Variants in NPR3 observed in about 807,000 individuals in gnomAD.
NPR3 encodes the protein atrial natriuretic peptide receptor 3.
A neutral mutation model predicts 54.5 loss-of-function variants in NPR3; 34 were observed. That is an observed-to-expected ratio of 0.62 (90% confidence interval 0.47 to 0.83). The LOEUF (loss-of-function observed/expected upper bound fraction) is 0.83, where lower values mean the gene tolerates loss of function less well. NPR3 is among the 40% of genes least tolerant of loss of function. The pLI, the probability that NPR3 is intolerant of heterozygous loss-of-function variation, is 0.00. For synonymous variants in NPR3, 289 were observed against 297.1 expected (o/e 0.97, Z 0.28); for missense variants, 674 against 720.8 (o/e 0.94, Z 0.74).
chr5:32,705,115 G>A (rs1259373929), upstream of NPR3, among the ~76,000 whole-genome samples: 2 of 152,258 alleles, frequency 1.3e-5, no homozygotes, highest in Admixed American at 6.5e-5. Flanking sequence ...TTGAAGCAAG[G>A]GGAAACATTA....
At chr5:32,714,313 A>G (rs376982550) in intron 1 of NPR3, among the ~76,000 whole-genome samples, 146 of 152,040 alleles carry the variant, frequency 9.6e-4, no homozygotes, top group African/African-American at 3.2e-3. Flanking sequence ...GTGAGACCAG[A>G]GGAGGGCAGA....
chr5:32,715,067 TATG>T (rs1418616277), intron 1 of NPR3, among the ~76,000 whole-genome samples: 1 of 152,194 alleles, frequency 6.6e-6, no homozygotes, highest in Non-Finnish European at 1.5e-5. Flanking sequence ...TTATTTTATA[TATG>T]ATGATAATCA....
chr5:32,760,254 G>C (rs1741090709), intron 3 of NPR3, among the ~76,000 whole-genome samples: 2 of 152,046 alleles, frequency 1.3e-5, no homozygotes, highest in Admixed American at 1.3e-4. Context: ...CTGAGTCATA[G>C]CATAGATGCA....
Position 32,776,617 on chromosome 5 carries a change from C to T in NPR3, c.1195+1774C>T, listed in dbSNP as rs150212802. On this transcript the variant is annotated intron_variant, in intron 4 of 7. Coordinates refer to ENST00000265074, the MANE Select transcript of NPR3 (RefSeq NM_001204375.2). The stretch of plus-strand genomic sequence containing the variant: ...ACATGAAACTCAATATGGAAGTGAT[C>T]TCACTGCAGGAGCCTTGCAGATATC... Among the ~76,000 whole-genome samples the T allele has an allele frequency of 4.2e-3, 640 of 152,282 alleles. 1 individual carries two copies. Among genetic ancestry groups the T allele is most frequent in the Middle Eastern group, 0.01 (3 of 294 alleles).
In NPR3 at chr5:32,712,258, C is replaced by G; in HGVS notation, c.482C>G (p.Ala161Gly). The change falls in exon 1 of 8, where the codon GCC (alanine) becomes GGC (glycine). Residue 161 changes from alanine to glycine, a missense_variant. Physicochemically the swap from Ala to Gly is moderately conservative, Grantham distance 60. Transcript: ENST00000265074. ...CCCATGCTGTCGGCTGGGGCGCTGG[C>G]CGCTGGCTTCCAGCACAAGGACTCT... ...DLPMLSAGAL[A>G]AGFQHKDSEY... The G allele has an allele frequency of 6.2e-7, 1 of 1,612,682 alleles. No homozygotes were observed. Among genetic ancestry groups the G allele is most frequent in the Non-Finnish European group, 8.5e-7 (1 of 1,179,668 alleles).
chr5:32,767,871 G>A (rs1168904619), intron 3 of NPR3, among the ~76,000 whole-genome samples: 1 of 152,192 alleles, frequency 6.6e-6, no homozygotes, highest in Admixed American at 6.5e-5. Context: ...AAGTTTAAGA[G>A]GGTATCATGA....
intron 2 of NPR3, among the ~76,000 whole-genome samples, chr5:32,733,997 T>A (rs936312823): frequency 2.0e-5 from 3 of 152,252 alleles, no homozygotes; most frequent in Non-Finnish European, 4.4e-5. Flanking sequence ...CTCAATTTCC[T>A]CATCTGTAAA....
At chr5:32,749,200 T>C (rs1721080673) in intron 3 of NPR3, among the ~76,000 whole-genome samples, 1 of 152,162 alleles carries the variant, frequency 6.6e-6, no homozygotes, top group African/African-American at 2.4e-5. Context: ...AGTAGAATTT[T>C]TTTCTTTCTA....
At chr5:32,698,874 G>A (rs1331956926) in intron 1 of NPR3, among the ~76,000 whole-genome samples, 1 of 149,526 alleles carries the variant, frequency 6.7e-6, no homozygotes, top group African/African-American at 2.5e-5. Flanking sequence ...GAGGCAAAGT[G>A]TGTTTCTTGT....
At position 32,789,402 on chromosome 5, in the gene NPR3, A is replaced by T. The variant is rs1262531873; in HGVS notation, c.*3057A>T. On this transcript the variant is annotated 3_prime_UTR_variant, in exon 8 of 8. Coordinates refer to ENST00000265074, the MANE Select transcript of NPR3 (RefSeq NM_001204375.2). Reference sequence around the variant, plus strand: ...TCCCTCAAGACTGACCACAGGTTTCATGAGAAGGTCCCTGAAAACATCACA... The same window carrying T: ...TCCCTCAAGACTGACCACAGGTTTCTTGAGAAGGTCCCTGAAAACATCACA... The T allele has an allele frequency of 1.9e-6, 1 of 513,052 alleles. No homozygotes were observed. The highest frequency in any genetic ancestry group is 4.0e-6 in the Non-Finnish European group (1 of 251,212). 31.8% of individuals were successfully genotyped at this position (513,052 alleles called of 1,614,324 possible). A position where few individuals can be genotyped will look rare whatever the true frequency, so the allele number is the denominator to read the frequency against.
intron 4 of NPR3, among the ~76,000 whole-genome samples, chr5:32,776,936 G>A (rs1742081594): frequency 6.6e-6 from 1 of 152,158 alleles, no homozygotes; most frequent in Middle Eastern, 3.2e-3. Flanking sequence ...AGACCCGAGG[G>A]AAGTGAGGGA....
chr5:32,782,095 T>A (rs901171108), intron 5 of NPR3, among the ~76,000 whole-genome samples: 15 of 152,100 alleles, frequency 9.9e-5, no homozygotes, highest in African/African-American at 3.4e-4. Context: ...AATTAAACCA[T>A]AACAGAATAA....
chr5:32,782,840 T>A, intron 5 of NPR3, 53 bp from the exon 6 acceptor site: 3 of 1,530,066 alleles, frequency 2.0e-6, no homozygotes, highest in Non-Finnish European at 2.6e-6. Context: ...GCTGCGAGCT[T>A]TGTGCCTCCT....
At chr5:32,733,216 TATTACTA>T (rs1739559245) in intron 2 of NPR3, among the ~76,000 whole-genome samples, 1 of 152,174 alleles carries the variant, frequency 6.6e-6, no homozygotes, top group African/African-American at 2.4e-5. Flanking sequence ...GTGCGTCCAT[TATTACTA>T]ATTACTAGAT....
At chr5:32,735,494 A>AAG (rs1378772143) in intron 2 of NPR3, among the ~76,000 whole-genome samples, 12 of 149,282 alleles carry the variant, frequency 8.0e-5, no homozygotes, top group Non-Finnish European at 1.3e-4. Flanking sequence ...AAAAAAAAAA[A>AAG]GGAAAAGAAA....
chr5:32,700,340 C>T lies in NPR3; in HGVS notation c.100+11154C>T, dbSNP rs184469510. 1.1e-4 allele frequency among the ~76,000 whole-genome samples: 17 copies of T among 152,236 alleles called. 1 individual carries two copies. The highest frequency in any genetic ancestry group is 1.5e-5 in the Non-Finnish European group (1 of 68,020). On this transcript the variant is annotated intron_variant, in intron 1 of 5. Coordinates refer to the NPR3 transcript ENST00000509104. ...AGGCCAGTAACTCTTGAATTTGCCCCTCTAAGGCTATTTTCTAGATTTGGT... is the reference window on the plus strand; with the variant it reads ...AGGCCAGTAACTCTTGAATTTGCCCTTCTAAGGCTATTTTCTAGATTTGGT...
At chr5:32,752,634 C>T (rs1486632990) in intron 3 of NPR3, among the ~76,000 whole-genome samples, 1 of 152,090 alleles carries the variant, frequency 6.6e-6, no homozygotes, top group African/African-American at 2.4e-5. Context: ...GAGGGCTTTG[C>T]TAATTGTATT....
upstream of NPR3, chr5:32,710,698 C>T (rs16890133): frequency 8.4e-5 from 130 of 1,546,270 alleles, no homozygotes; most frequent in East Asian, 3.1e-3. Flanking sequence ...GGTCCTTGTT[C>T]CCTGACCTTG....
intron 3 of NPR3, among the ~76,000 whole-genome samples, chr5:32,739,269 C>G (rs776265653): frequency 5.3e-5 from 8 of 151,514 alleles, no homozygotes; most frequent in Non-Finnish European, 5.9e-5. Flanking sequence ...TACACTTTTT[C>G]AGCTGCTGCA....
Sources: gnomAD v4.1 joint callset for allele counts (sites outside exome capture counted in the v4.1 genomes callset) on GRCh38, gnomAD v4.1.1 for gene constraint, MANE v1.5 for transcripts, NCBI Gene and HGNC (gene_info 2026-07-23, HGNC 2026-07-21) for gene names.